PPARGC1A: variants seen among roughly 807,000 people sequenced by gnomAD.
PPARGC1A encodes PPARG coactivator 1 alpha.
In PPARGC1A, 25 loss-of-function variants were observed where a neutral mutation model predicts 88.7. That is an observed-to-expected ratio of 0.28 (90% CI 0.21 to 0.39). The LOEUF (loss-of-function observed/expected upper bound fraction) is 0.39, where lower values mean the gene tolerates loss of function less well. PPARGC1A is among the 10% of genes least tolerant of loss of function. PPARGC1A has a pLI of 1.00. For synonymous variants in PPARGC1A, 363 were observed against 355.6 expected (o/e 1.02, Z -0.24); for missense variants, 880 against 968.7 (o/e 0.91, Z 1.22).
At chr4:23,863,351 T>TC (rs1442624509) in intron 2 of PPARGC1A, among the ~76,000 whole-genome samples, 1 of 152,160 alleles carries the variant, frequency 6.6e-6, no homozygotes, top group Non-Finnish European at 1.5e-5. Flanking sequence ...TGTCTTTTTT[T>TC]CTGCTCCTCC....
intron 2 of PPARGC1A, among the ~76,000 whole-genome samples, chr4:23,838,136 GCT>G (rs1726380006): frequency 6.6e-6 from 1 of 152,102 alleles, no homozygotes; most frequent in African/African-American, 2.4e-5. Flanking sequence ...TACTTAAAGT[GCT>G]CTGAGCCTTT....
chr4:23,867,545 C>T (rs1712284514), intron 2 of PPARGC1A, among the ~76,000 whole-genome samples: 1 of 152,160 alleles, frequency 6.6e-6, no homozygotes, highest in East Asian at 1.9e-4. Flanking sequence ...GCTAAAATAG[C>T]AGTGATGTCC....
At chr4:24,160,897 A>C in the PPARGC1A span, among the ~76,000 whole-genome samples, 1 of 152,190 alleles carries the variant, frequency 6.6e-6, no homozygotes, top group Admixed American at 6.5e-5. Context: ...CCGGTAGCCA[A>C]TGTGATACAG....
Position 23,884,831 on chromosome 4 carries a change from A to G in PPARGC1A, c.155T>C (p.Leu52Pro). 6.2e-7 allele frequency: 1 copy of G among 1,614,006 alleles called. No homozygotes were observed. The highest frequency in any genetic ancestry group is 8.5e-7 in the Non-Finnish European group (1 of 1,179,898). ...DVNDLDTDSF[L>P]GGLKWCSDQS... ...GTCACTGCACCACTTGAGTCCACCCAGAAAGCTGTCTGTATCCAAGTCGTT... is the reference window on the plus strand; with the variant it reads ...GTCACTGCACCACTTGAGTCCACCCGGAAAGCTGTCTGTATCCAAGTCGTT... The change falls in exon 2 of 13, where the codon CTG becomes CCG. Residue 52 changes from leucine to proline, a missense_variant. Leu to Pro is a moderately conservative substitution (Grantham distance 98). Coordinates refer to ENST00000264867, the MANE Select transcript of PPARGC1A (RefSeq NM_013261.5).
chr4:23,940,456 A>C, the PPARGC1A span, among the ~76,000 whole-genome samples: 1 of 152,236 alleles, frequency 6.6e-6, no homozygotes, highest in Non-Finnish European at 1.5e-5. Context: ...CAATTGTCCA[A>C]GGAAGAAGGA....
chr4:24,212,895 G>A, the PPARGC1A span, among the ~76,000 whole-genome samples: 1 of 152,188 alleles, frequency 6.6e-6, no homozygotes, highest in Admixed American at 6.5e-5. Context: ...ACATACCTAA[G>A]AGCGTGGTCA....
At chr4:23,883,600 AT>A (rs1716359208) in intron 2 of PPARGC1A, 1 of 152,336 alleles carries the variant, frequency 6.6e-6, no homozygotes, top group Middle Eastern at 3.4e-3. Context: ...TAAAACAGGA[AT>A]GATAACAATA....
chr4:24,015,629 T>C, the PPARGC1A span, among the ~76,000 whole-genome samples: 6 of 152,094 alleles, frequency 3.9e-5, no homozygotes, highest in Admixed American at 3.9e-4. Flanking sequence ...CAGTTCACAG[T>C]GGCGTGTGTG....
At chr4:24,108,480 TAGAATG>T in the PPARGC1A span, among the ~76,000 whole-genome samples, 3 of 152,158 alleles carry the variant, frequency 2.0e-5, no homozygotes, top group Non-Finnish European at 4.4e-5. Flanking sequence ...TTTCAATACT[TAGAATG>T]AGAAGAAAAT....
At chr4:24,322,079 T>G in the PPARGC1A span, among the ~76,000 whole-genome samples, 1 of 152,246 alleles carries the variant, frequency 6.6e-6, no homozygotes, top group African/African-American at 2.4e-5. Flanking sequence ...TTGCAAGGAA[T>G]TATTCCAGCT....
chr4:24,379,924 G>A, the PPARGC1A span, among the ~76,000 whole-genome samples: 7 of 151,642 alleles, frequency 4.6e-5, no homozygotes, highest in South Asian at 4.2e-4. Context: ...GATTACAGAC[G>A]CGCCCCACCA....
chr4:24,157,961 C>T, the PPARGC1A span, among the ~76,000 whole-genome samples: 2 of 152,106 alleles, frequency 1.3e-5, no homozygotes, highest in Non-Finnish European at 2.9e-5. Flanking sequence ...ACCCTTCCAA[C>T]ACACACTGTC....
chr4:24,063,817 G>A, the PPARGC1A span, among the ~76,000 whole-genome samples: 1 of 152,052 alleles, frequency 6.6e-6, no homozygotes, highest in Non-Finnish European at 1.5e-5. Context: ...ATTTTTACTG[G>A]TGACCTCGTT....
At chr4:23,822,782 A>G (rs1382895988) in intron 7 of PPARGC1A, among the ~76,000 whole-genome samples, 1 of 152,034 alleles carries the variant, frequency 6.6e-6, no homozygotes, top group African/African-American at 2.4e-5. Context: ...TTCTAGCCTC[A>G]TTCAGCATCT....
the PPARGC1A span, among the ~76,000 whole-genome samples, chr4:24,128,586 G>T: frequency 6.7e-6 from 1 of 150,106 alleles, no homozygotes; most frequent in African/African-American, 2.4e-5. Context: ...GTGTGCACGC[G>T]CATCTGTGTA....
chr4:24,410,263 CATT>C, the PPARGC1A span, among the ~76,000 whole-genome samples: 1 of 152,038 alleles, frequency 6.6e-6, no homozygotes, highest in African/African-American at 2.4e-5. Flanking sequence ...TAAAAGGTAA[CATT>C]AAATAACAAT....
chr4:24,018,541 C>T, the PPARGC1A span, among the ~76,000 whole-genome samples: 1 of 152,118 alleles, frequency 6.6e-6, no homozygotes, highest in African/African-American at 2.4e-5. Flanking sequence ...TGCCAATCAA[C>T]CTCAAGGCAG....
the PPARGC1A span, among the ~76,000 whole-genome samples, chr4:24,101,206 G>A: frequency 4.6e-5 from 7 of 152,112 alleles, no homozygotes; most frequent in African/African-American, 9.7e-5. Flanking sequence ...GAGTTCTCAC[G>A]AGATCTGGTT....
chr4:24,117,473 C>A, the PPARGC1A span, among the ~76,000 whole-genome samples: 3 of 151,772 alleles, frequency 2.0e-5, no homozygotes, highest in Non-Finnish European at 2.9e-5. Context: ...AACTTCTGCC[C>A]TTTTTTTCTT....
Sources: gnomAD v4.1 joint callset for allele counts (sites outside exome capture counted in the v4.1 genomes callset) on GRCh38, gnomAD v4.1.1 for gene constraint, MANE v1.5 for transcripts, NCBI Gene and HGNC (gene_info 2026-07-23, HGNC 2026-07-21) for gene names.